UBE2Q2: variants seen among roughly 807,000 people sequenced by gnomAD.
UBE2Q2 encodes ubiquitin conjugating enzyme E2 Q2.
In UBE2Q2, 54 loss-of-function variants were observed where a neutral mutation model predicts 59.9. That is an observed-to-expected ratio of 0.90 (90% CI 0.72 to 1.13). The LOEUF is 1.13. Among genes scored for constraint, UBE2Q2 ranks in the 50% most tolerant of loss-of-function variants. The pLI is 0.00. For missense variants in UBE2Q2, 433 were observed against 441.9 expected (o/e 0.98, Z 0.18); for synonymous variants, 165 against 155.2 (o/e 1.06, Z -0.47).
chr15:75,881,312 G>A (rs1898416047), intron 8 of UBE2Q2, among the ~76,000 whole-genome samples: 1 of 151,858 alleles, frequency 6.6e-6, no homozygotes, highest in Non-Finnish European at 1.5e-5. Context: ...GTATCTTTAC[G>A]GGAATATGAA....
intron 5 of UBE2Q2, among the ~76,000 whole-genome samples, chr15:75,875,157 A>G (rs1437494122): frequency 6.6e-6 from 1 of 152,222 alleles, no homozygotes; most frequent in East Asian, 1.9e-4. Context: ...CATGATGGAT[A>G]CTATGCCAAG....
At chr15:75,887,885 A>G (rs766621648) in intron 9 of UBE2Q2, among the ~76,000 whole-genome samples, 1 of 152,212 alleles carries the variant, frequency 6.6e-6, no homozygotes, top group Non-Finnish European at 1.5e-5. Context: ...ATAGTCAACT[A>G]TTAAGTGAGG....
chr15:75,877,391 C>G (rs1332386324), intron 6 of UBE2Q2, among the ~76,000 whole-genome samples: 7 of 151,480 alleles, frequency 4.6e-5, no homozygotes, highest in Admixed American at 4.0e-4. Flanking sequence ...AAAAGTTTAT[C>G]TGTAGAAACC....
Position 75,876,206 on chromosome 15 carries a change from T to A in UBE2Q2, c.608T>A (p.Val203Glu), listed in dbSNP as rs776930429. The part of the protein sequence containing the change: ...DHLNGAVSGS[V>E]QASDRLMKEL... ...TTTCAGGGTGCAGTGTCTGGGTCAG[T>A]GCAAGCTTCAGATAGACTTATGAAA... is the stretch of plus-strand genomic sequence containing the variant. Residue 203 changes from valine (V) to glutamate (E), a missense_variant, in exon 6 of 13, where the codon GTG becomes GAG. Physicochemically the swap from Val to Glu is moderately radical, Grantham distance 121. Transcript: ENST00000267938. 1.4e-5 allele frequency: 22 copies of A among 1,613,922 alleles called. No individual in the cohort carries two copies. The highest frequency in any genetic ancestry group is 1.9e-5 in the Non-Finnish European group (22 of 1,179,968).
chr15:75,886,779 C>T (rs1006544158), intron 9 of UBE2Q2, among the ~76,000 whole-genome samples: 15 of 151,684 alleles, frequency 9.9e-5, no homozygotes, highest in African/African-American at 1.5e-4. Flanking sequence ...CCCAGCTCAT[C>T]GGGAAGCTGA....
At chr15:75,866,031 G>T (rs1055109125) in intron 3 of UBE2Q2, among the ~76,000 whole-genome samples, 1 of 151,976 alleles carries the variant, frequency 6.6e-6, no homozygotes, top group Non-Finnish European at 1.5e-5. Context: ...AGTTCTTTAC[G>T]CTTTTATCTT....
At chr15:75,869,131 G>A in intron 4 of UBE2Q2, 121 bp downstream of exon 4, 1 of 822,256 alleles carries the variant, frequency 1.2e-6, no homozygotes, top group Non-Finnish European at 1.9e-6. Context: ...CATTGTGTTT[G>A]GAATGGAATA....
At chr15:75,844,520 T>G (rs1299133442) in intron 1 of UBE2Q2, 3 of 1,548,036 alleles carry the variant, frequency 1.9e-6, no homozygotes, top group African/African-American at 1.4e-5. Context: ...GGCCCCTCCC[T>G]TGTGTGTAAG....
At chr15:75,873,303 A>G (rs532873399) in intron 4 of UBE2Q2, 125 bp from the exon 5 acceptor site, 19 of 868,292 alleles carry the variant, frequency 2.2e-5, no homozygotes, top group Middle Eastern at 3.7e-4. Flanking sequence ...CTCTCTCCCT[A>G]TAGGATAGTT....
intron 9 of UBE2Q2, among the ~76,000 whole-genome samples, chr15:75,883,655 G>A (rs1340662695): frequency 2.0e-5 from 3 of 151,748 alleles, no homozygotes; most frequent in Non-Finnish European, 4.4e-5. Context: ...CATTTGGAGA[G>A]CTAGTCCCAG....
At chr15:75,883,006 C>A (rs1353595898) in intron 8 of UBE2Q2, among the ~76,000 whole-genome samples, 1 of 152,076 alleles carries the variant, frequency 6.6e-6, no homozygotes, top group Non-Finnish European at 1.5e-5. Flanking sequence ...CTCTGGTGTT[C>A]CCTTTTCTTA....
intron 4 of UBE2Q2, among the ~76,000 whole-genome samples, chr15:75,871,033 C>T (rs1318130349): frequency 6.6e-6 from 1 of 152,188 alleles, no homozygotes; most frequent in African/African-American, 2.4e-5. Flanking sequence ...ATTTATTGAT[C>T]ATTTGTAGGT....
chr15:75,886,094 T>A (rs890089361), intron 9 of UBE2Q2, among the ~76,000 whole-genome samples: 3 of 151,218 alleles, frequency 2.0e-5, no homozygotes, highest in Non-Finnish European at 2.9e-5. Context: ...CTTTACTGAT[T>A]GGGGAGAAAT....
intron 1 of UBE2Q2, chr15:75,844,723 G>A (rs1383641674): frequency 5.2e-6 from 2 of 386,280 alleles, no homozygotes; most frequent in South Asian, 3.9e-5. Context: ...GCTATTCGTC[G>A]TGAAATTGAT....
chr15:75,851,885 A>G (rs547365613), intron 1 of UBE2Q2, among the ~76,000 whole-genome samples: 3 of 152,114 alleles, frequency 2.0e-5, no homozygotes, highest in East Asian at 3.9e-4. Context: ...CATTCTTTTT[A>G]TTTTTGAGAC....
At chr15:75,863,799 C>T (rs185868838) in intron 3 of UBE2Q2, among the ~76,000 whole-genome samples, 32 of 152,182 alleles carry the variant, frequency 2.1e-4, no homozygotes, top group South Asian at 1.7e-3. Context: ...TGCACCACCA[C>T]GCTCGGCTAA....
chr15:75,863,946 T>G (rs1018779257), intron 3 of UBE2Q2, among the ~76,000 whole-genome samples: 9 of 152,104 alleles, frequency 5.9e-5, no homozygotes, highest in Admixed American at 5.9e-4. Context: ...GGCCCCTCAC[T>G]TTTCCTTCTG....
At position 75,890,927 on chromosome 15, in the gene UBE2Q2, C is replaced by T. The variant is rs746445800; in HGVS notation, c.942C>T (p.Ser314=). ...ACTTTGTTCTTCTGTAGGGCTGGAG[C>T]AGTGCCTACTCAATAGAATCGGTCA... ...CMELLTKQGW[S]SAYSIESVIM... The change falls in exon 11 of 13, where the codon AGC becomes AGT. Residue 314 remains serine, a synonymous_variant. Transcript: ENST00000267938. The T allele has an allele frequency of 1.2e-6, 2 of 1,612,868 alleles. No homozygotes were observed. The highest frequency in any genetic ancestry group is 2.2e-5 in the South Asian group (2 of 91,032).
At chr15:75,896,468 A>C (rs951175912) in intron 11 of UBE2Q2, among the ~76,000 whole-genome samples, 2 of 152,182 alleles carry the variant, frequency 1.3e-5, no homozygotes, top group African/African-American at 4.8e-5. Context: ...GCTCCTTAAA[A>C]AGATTGTATA....
Sources: allele counts gnomAD v4.1 joint callset (sites outside exome capture counted in the v4.1 genomes callset), GRCh38; gene constraint gnomAD v4.1.1; transcripts MANE v1.5; gene names NCBI Gene and HGNC (gene_info 2026-07-23, HGNC 2026-07-21).